The following EFCAB6 variants were observed in gnomAD, a reference collection of about 807,000 sequenced individuals.
EFCAB6 encodes the protein EF-hand calcium binding domain 6.
Under a neutral mutation model 169.8 loss-of-function variants are expected in EFCAB6, and 156 were observed. The observed-to-expected ratio is 0.92, with a 90% CI of 0.81 to 1.05. The LOEUF is 1.05. Among genes scored for constraint, EFCAB6 ranks in the 50% least tolerant of loss-of-function variants. The probability of loss-of-function intolerance (pLI) is 0.00; values close to 1 mark genes in which losing one functional copy is unlikely to be tolerated. For missense variants in EFCAB6, 1,800 were observed against 1,829.1 expected, an observed-to-expected ratio of 0.98 and a Z score of 0.29; for synonymous variants, 698 against 676.4, an observed-to-expected ratio of 1.03 and a Z score of -0.50.
intron 21 of EFCAB6, 87 bp downstream of exon 21, chr22:43,615,739 C>G (rs1049254359): frequency 6.8e-6 from 8 of 1,168,908 alleles, no homozygotes; most frequent in Non-Finnish European, 9.7e-6. Context: ...ATCTTAGCGT[C>G]TGGATCTGAA....
At chr22:43,650,212 A>T (rs1244716022) in intron 17 of EFCAB6, among the ~76,000 whole-genome samples, 1 of 152,170 alleles carries the variant, frequency 6.6e-6, no homozygotes, top group Non-Finnish European at 1.5e-5. Context: ...CCCCACCCAA[A>T]TCTCATCTTG....
At chr22:43,728,096 ATG>A (rs1603288472) in intron 8 of EFCAB6, among the ~76,000 whole-genome samples, 1 of 151,594 alleles carries the variant, frequency 6.6e-6, no homozygotes, top group African/African-American at 2.4e-5. Flanking sequence ...CCAGTGTGTG[ATG>A]TTCCCCTCCC....
At chr22:43,591,386 G>A (rs2051537458) in intron 23 of EFCAB6, among the ~76,000 whole-genome samples, 2 of 151,098 alleles carry the variant, frequency 1.3e-5, no homozygotes, top group African/African-American at 4.9e-5. Flanking sequence ...CAACCCGGGA[G>A]GCAGAGGTTG....
intron 3 of EFCAB6, 123 bp downstream of exon 3, chr22:43,782,057 T>C: frequency 1.0e-6 from 1 of 1,001,940 alleles, no homozygotes. Flanking sequence ...AAACAGAGCC[T>C]AATTCATAGA....
At chr22:43,677,255 A>C (rs2057798743) in intron 13 of EFCAB6, among the ~76,000 whole-genome samples, 2 of 152,226 alleles carry the variant, frequency 1.3e-5, no homozygotes, top group African/African-American at 4.8e-5. Flanking sequence ...CACTAGAGGC[A>C]ATAAGCAGTT....
chr22:43,776,399 G>A (rs1205575383), intron 3 of EFCAB6, among the ~76,000 whole-genome samples: 2 of 152,204 alleles, frequency 1.3e-5, no homozygotes, highest in African/African-American at 4.8e-5. Context: ...GAGGTGAGAC[G>A]ACAGACAAGA....
rs757366993 is a variant in EFCAB6 at position 43,667,161 on chromosome 22, T to C, written c.1926A>G (p.Arg642=). The change falls in exon 17 of 32, where the codon CGA becomes CGG. Residue 642 remains arginine, a synonymous_variant. Coordinates refer to ENST00000262726, the MANE Select transcript of EFCAB6 (RefSeq NM_022785.4). ...IQQQDPAFKK[R]FLDFSKEPNG... is the part of the protein sequence containing the mutation. Reference sequence around the variant, plus strand: ...TAGGCTCCTTGCTGAAGTCAAGAAATCGTTTTTTGAATGCCGGGTCCTGCT... The same window carrying C: ...TAGGCTCCTTGCTGAAGTCAAGAAACCGTTTTTTGAATGCCGGGTCCTGCT... The C allele has an allele frequency of 3.1e-6, 5 of 1,614,000 alleles. No homozygotes were observed. Among genetic ancestry groups the C allele is most frequent in the Admixed American group, 3.3e-5 (2 of 59,996 alleles).
intron 17 of EFCAB6, among the ~76,000 whole-genome samples, chr22:43,664,898 G>C (rs2057174538): frequency 6.6e-6 from 1 of 152,146 alleles, no homozygotes; most frequent in African/African-American, 2.4e-5. Context: ...CATGGCCAGG[G>C]TGGAAGCAGG....
At chr22:43,785,696 G>A (rs568864528) in intron 2 of EFCAB6, among the ~76,000 whole-genome samples, 1 of 151,984 alleles carries the variant, frequency 6.6e-6, no homozygotes, top group Non-Finnish European at 1.5e-5. Context: ...TAGAAAAATA[G>A]ACAAAACTAA....
chr22:43,631,962 A>G, intron 19 of EFCAB6, 143 bp downstream of exon 19: 4 of 1,257,750 alleles, frequency 3.2e-6, no homozygotes, highest in South Asian at 3.7e-5. Context: ...TCCCTGACCA[A>G]TGCTGGGTCT....
chr22:43,611,536 C>G (rs1325096158), intron 21 of EFCAB6, among the ~76,000 whole-genome samples: 1 of 152,186 alleles, frequency 6.6e-6, no homozygotes. Context: ...GTGGCTCACA[C>G]CTATAATCCC....
chr22:43,637,014 G>C (rs2055453088), intron 17 of EFCAB6, among the ~76,000 whole-genome samples: 1 of 152,202 alleles, frequency 6.6e-6, no homozygotes, highest in South Asian at 2.1e-4. Flanking sequence ...AATGGCCCAG[G>C]GGGAGCGGCA....
intron 19 of EFCAB6, among the ~76,000 whole-genome samples, chr22:43,630,489 C>T (rs940594167): frequency 2.6e-5 from 4 of 152,190 alleles, no homozygotes; most frequent in East Asian, 1.9e-4. Context: ...AGCTGGGCTT[C>T]CCACGGCCTC....
chr22:43,586,340 ATTTTT>A (rs36058832), intron 24 of EFCAB6, among the ~76,000 whole-genome samples: 2,244 of 72,958 alleles, frequency 0.031, 44 homozygotes, highest in Non-Finnish European at 0.034. Flanking sequence ...GCAACAACTG[ATTTTT>A]TTTTTTTTTT....
intron 2 of EFCAB6, among the ~76,000 whole-genome samples, chr22:43,805,460 G>T (rs1200310020): frequency 6.6e-6 from 1 of 152,180 alleles, no homozygotes; most frequent in African/African-American, 2.4e-5. Flanking sequence ...CCAAAAAGAA[G>T]AATGTTGCAT....
chr22:43,615,843 A>C lies in EFCAB6; in HGVS notation c.2545T>G (p.Trp849Gly). The change falls in exon 21 of 32, where the codon TGG (tryptophan) becomes GGG (glycine). Residue 849 changes from tryptophan (W) to glycine (G), a missense_variant. Coordinates refer to ENST00000262726, the MANE Select transcript of EFCAB6 (RefSeq NM_022785.4). Reference protein sequence around the residue: ...QYLVTKAKNRWSDLSKNFLET... With the variant: ...QYLVTKAKNRGSDLSKNFLET... ...TTTCTTACCTTAGACAAGTCTGACC[A>C]TCTGTTTTTTGCTTTGGTAACAAGA... The C allele has an allele frequency of 6.2e-7, 1 of 1,613,492 alleles. No individual in the cohort carries two copies. Among genetic ancestry groups the C allele is most frequent in the Non-Finnish European group, 8.5e-7 (1 of 1,179,810 alleles).
chr22:43,630,442 C>A (rs1472393814), intron 19 of EFCAB6, among the ~76,000 whole-genome samples: 13 of 152,240 alleles, frequency 8.5e-5, no homozygotes, highest in Non-Finnish European at 1.9e-4. Flanking sequence ...CCAAGCTTCA[C>A]TGATCGTAAA....
intron 24 of EFCAB6, 45 bp from the exon 25 acceptor site, chr22:43,580,704 AC>A: frequency 1.3e-6 from 2 of 1,593,670 alleles, no homozygotes; most frequent in Non-Finnish European, 1.7e-6. Context: ...TTAAAAAGCC[AC>A]CCTACTGCTT....
intron 22 of EFCAB6, among the ~76,000 whole-genome samples, chr22:43,607,114 C>G (rs1337457417): frequency 6.6e-6 from 1 of 152,198 alleles, no homozygotes; most frequent in Non-Finnish European, 1.5e-5. Context: ...TGGTCAATAA[C>G]ACCAGAAAGC....
Sources: gnomAD v4.1 joint callset for allele counts (sites outside exome capture counted in the v4.1 genomes callset) on GRCh38, gnomAD v4.1.1 for gene constraint, MANE v1.5 for transcripts, NCBI Gene and HGNC (gene_info 2026-07-23, HGNC 2026-07-21) for gene names.